The following NCAM2 variants were observed in gnomAD, a reference collection of about 807,000 sequenced individuals.
The protein encoded by NCAM2 is N-CAM-2.
Under a neutral mutation model 98.1 loss-of-function variants are expected in NCAM2, and 30 were observed. That is an observed-to-expected ratio of 0.31 (90% CI 0.23 to 0.41). The LOEUF is 0.41. NCAM2 is among the 10% of genes least tolerant of loss of function. The pLI is 1.00. For missense variants in NCAM2, 867 were observed against 1,005.8 expected (o/e 0.86, Z 1.87); for synonymous variants, 368 against 342.4 (o/e 1.07, Z -0.83).
chr21:21,010,351 A>G (rs1191147546), intron 1 of NCAM2, among the ~76,000 whole-genome samples: 1 of 151,970 alleles, frequency 6.6e-6, no homozygotes, highest in African/African-American at 2.4e-5. Context: ...AACCTTCACC[A>G]CCACATCCAA....
In NCAM2 at chr21:21,295,971, A is replaced by C. The variant is rs184584300; in HGVS notation, c.619+3730A>C. 2.4e-3 allele frequency among the ~76,000 whole-genome samples: 366 copies of C among 151,878 alleles called. 1 individual carries two copies. Among genetic ancestry groups the C allele is most frequent in the Non-Finnish European group, 3.9e-3 (262 of 67,868 alleles). ...TGATCATTTATGACAAATTTTTGTC[A>C]CCTTATTGAGGTATTGAAAATTTAG... On this transcript the variant is annotated intron_variant, in intron 5 of 17. Transcript: ENST00000400546.
At position 21,429,634 on chromosome 21, in the gene NCAM2, G is replaced by C. The variant is rs114725721; in HGVS notation, c.1481-2474G>C. 2.9e-3 allele frequency among the ~76,000 whole-genome samples: 439 copies of C among 152,270 alleles called. 4 individuals are homozygous for C. Among genetic ancestry groups the C allele is most frequent in the African/African-American group, 0.01 (417 of 41,550 alleles). Reference sequence around the variant, plus strand: ...AAACCTACAGCTGAAAAGACATGCAGATTAACCTGGAGATTAAGGAAACAT... The same window carrying C: ...AAACCTACAGCTGAAAAGACATGCACATTAACCTGGAGATTAAGGAAACAT... On this transcript the variant is annotated intron_variant, in intron 11 of 17. Coordinates refer to ENST00000400546, the MANE Select transcript of NCAM2 (RefSeq NM_004540.5).
chr21:21,498,668 G>T (rs1298610425), intron 15 of NCAM2, among the ~76,000 whole-genome samples: 4 of 152,148 alleles, frequency 2.6e-5, no homozygotes, highest in Non-Finnish European at 5.9e-5. Context: ...TCCAGAGGGA[G>T]CCGAGACATA....
intron 2 of NCAM2, among the ~76,000 whole-genome samples, chr21:21,281,245 CTT>C (rs1417480793): frequency 1.3e-5 from 2 of 152,060 alleles, no homozygotes; most frequent in African/African-American, 4.8e-5. Flanking sequence ...CTGATAATAA[CTT>C]AAATCAATTT....
intron 1 of NCAM2, among the ~76,000 whole-genome samples, chr21:21,213,163 A>G (rs1823362378): frequency 6.6e-6 from 1 of 152,050 alleles, no homozygotes; most frequent in South Asian, 2.1e-4. Context: ...CTTCTTTTTT[A>G]CTTTTTAATT....
intron 14 of NCAM2, among the ~76,000 whole-genome samples, chr21:21,469,187 GACTT>G (rs1455105540): frequency 2.0e-5 from 3 of 151,974 alleles, no homozygotes; most frequent in Non-Finnish European, 2.9e-5. Context: ...CAAATAATTT[GACTT>G]ACTTATCCAT....
chr21:21,332,984 A>T (rs754211561), intron 6 of NCAM2, among the ~76,000 whole-genome samples: 1 of 152,194 alleles, frequency 6.6e-6, no homozygotes, highest in Non-Finnish European at 1.5e-5. Flanking sequence ...TTAATTCTGT[A>T]ATCCTGACCC....
At chr21:21,121,898 A>T (rs2066683563) in intron 1 of NCAM2, among the ~76,000 whole-genome samples, 1 of 152,228 alleles carries the variant, frequency 6.6e-6, no homozygotes, top group Non-Finnish European at 1.5e-5. Context: ...TTCAAAAGTG[A>T]TGAGACAGGG....
intron 1 of NCAM2, among the ~76,000 whole-genome samples, chr21:21,011,382 A>G (rs1353628007): frequency 2.6e-5 from 4 of 152,028 alleles, no homozygotes; most frequent in Non-Finnish European, 5.9e-5. Context: ...TGCAGAAGGA[A>G]AAAGACAAGC....
At chr21:21,074,225 G>T (rs2065631487) in intron 1 of NCAM2, among the ~76,000 whole-genome samples, 1 of 151,726 alleles carries the variant, frequency 6.6e-6, no homozygotes, top group Non-Finnish European at 1.5e-5. Context: ...TATCAATTTA[G>T]TCTTAGAAAA....
At chr21:21,000,415 G>A (rs933308296) in intron 1 of NCAM2, among the ~76,000 whole-genome samples, 1 of 152,200 alleles carries the variant, frequency 6.6e-6, no homozygotes, top group African/African-American at 2.4e-5. Flanking sequence ...TAGAGGCTAA[G>A]TGTGTTGGAA....
At chr21:21,287,365 A>G (rs182181252) in intron 4 of NCAM2, among the ~76,000 whole-genome samples, 209 of 152,122 alleles carry the variant, frequency 1.4e-3, no homozygotes, top group Admixed American at 4.7e-3. Context: ...TAATTTTGAA[A>G]GAATTTTTCT....
At chr21:21,534,504 A>G (rs1343617727) in intron 16 of NCAM2, 33 bp from the exon 17 acceptor site, 6 of 1,490,638 alleles carry the variant, frequency 4.0e-6, no homozygotes, top group Non-Finnish European at 5.4e-6. Flanking sequence ...TTTTTAAATT[A>G]CACAGGTGAG....
At chr21:21,451,891 T>A (rs1366546179) in intron 12 of NCAM2, among the ~76,000 whole-genome samples, 2 of 152,014 alleles carry the variant, frequency 1.3e-5, no homozygotes, top group African/African-American at 4.8e-5. Context: ...GGCCCATGAT[T>A]TTCTGTCCAT....
chr21:21,100,221 T>G (rs1269203645), intron 1 of NCAM2, among the ~76,000 whole-genome samples: 1 of 151,894 alleles, frequency 6.6e-6, no homozygotes. Context: ...ATTTGGTATT[T>G]GACCAAAAAA....
intron 1 of NCAM2, among the ~76,000 whole-genome samples, chr21:21,027,366 G>A (rs73328442): frequency 6.6e-5 from 10 of 152,168 alleles, no homozygotes; most frequent in African/African-American, 2.4e-4. Context: ...ATAGAAATTT[G>A]GTTCATAGAG....
At chr21:21,353,558 T>C (rs1195377930) in intron 8 of NCAM2, among the ~76,000 whole-genome samples, 1 of 152,180 alleles carries the variant, frequency 6.6e-6, no homozygotes, top group East Asian at 1.9e-4. Flanking sequence ...TAGATGAAGA[T>C]AGATTCTCAG....
chr21:21,489,831 AAC>A (rs977778707), intron 15 of NCAM2, among the ~76,000 whole-genome samples: 8 of 152,076 alleles, frequency 5.3e-5, no homozygotes, highest in Admixed American at 1.3e-4. Flanking sequence ...GAAAAAAATT[AAC>A]ACTTATTAAC....
intron 1 of NCAM2, among the ~76,000 whole-genome samples, chr21:21,253,894 G>A (rs1175734819): frequency 1.3e-5 from 2 of 152,118 alleles, no homozygotes; most frequent in African/African-American, 4.8e-5. Context: ...ATATGCTCAG[G>A]CTTTTGGCAT....
Sources: gnomAD v4.1 joint callset for allele counts (sites outside exome capture counted in the v4.1 genomes callset) on GRCh38, gnomAD v4.1.1 for gene constraint, MANE v1.5 for transcripts, NCBI Gene and HGNC (gene_info 2026-07-23, HGNC 2026-07-21) for gene names.